Variants in SPATA7 observed in about 807,000 individuals in gnomAD.
SPATA7 encodes the protein spermatogenesis-associated protein 7.
A neutral mutation model predicts 51.8 loss-of-function variants in SPATA7; 43 were observed. That is an observed-to-expected ratio of 0.83 (90% CI 0.65 to 1.07). SPATA7 has a LOEUF of 1.07. SPATA7 is among the 50% of genes least tolerant of loss of function. The probability of loss-of-function intolerance (pLI) is 0.00; values close to 1 mark genes in which losing one functional copy is unlikely to be tolerated. For missense variants in SPATA7, 683 were observed against 701.3 expected (o/e 0.97, Z 0.30); for synonymous variants, 230 against 252.8 (o/e 0.91, Z 0.86).
intron 3 of SPATA7, among the ~76,000 whole-genome samples, chr14:88,443,891 C>T (rs1224382411): frequency 6.6e-6 from 1 of 152,126 alleles, no homozygotes; most frequent in African/African-American, 2.4e-5. Context: ...CATTGATGGA[C>T]ATTTGGGTTG....
chr14:88,416,120 A>G (rs1271462627), intron 4 of SPATA7: 1 of 152,584 alleles, frequency 6.6e-6, no homozygotes. Context: ...CTGCAGAATC[A>G]TGAGCCAATT....
intron 1 of SPATA7, among the ~76,000 whole-genome samples, chr14:88,391,007 C>T (rs532748057): frequency 6.6e-6 from 1 of 152,198 alleles, no homozygotes; most frequent in South Asian, 2.1e-4. Flanking sequence ...GCTTTGTTCT[C>T]TGGTCTTAGA....
At chr14:88,426,150 AT>A (rs1323364344) in intron 5 of SPATA7, 81 bp from the exon 6 acceptor site, 12 of 1,006,786 alleles carry the variant, frequency 1.2e-5, no homozygotes, top group Admixed American at 9.9e-5. Context: ...TGAGGCTATC[AT>A]TTTTTTAATG....
At chr14:88,443,250 G>T (rs1377268959), downstream of SPATA7, among the ~76,000 whole-genome samples, 2 of 152,012 alleles carry the variant, frequency 1.3e-5, no homozygotes, top group African/African-American at 4.8e-5. Context: ...GCCTATTTTT[G>T]TTGGTAATTT....
At chr14:88,401,365 A>G (rs759266057) in intron 4 of SPATA7, among the ~76,000 whole-genome samples, 1 of 152,250 alleles carries the variant, frequency 6.6e-6, no homozygotes, top group South Asian at 2.1e-4. Context: ...CATGAAAGCT[A>G]TATATGAAAA....
At chr14:88,426,096 A>G in intron 5 of SPATA7, 136 bp from the exon 6 acceptor site, 1 of 678,902 alleles carries the variant, frequency 1.5e-6, no homozygotes, top group Non-Finnish European at 2.6e-6. Context: ...TTCAGATAAA[A>G]TATTAACATC....
At chr14:88,464,088 C>T (rs2077336713) in intron 4 of SPATA7, among the ~76,000 whole-genome samples, 1 of 152,076 alleles carries the variant, frequency 6.6e-6, no homozygotes, top group Admixed American at 6.5e-5. Context: ...ATCCACCCGC[C>T]TCGGCCTCCC....
chr14:88,468,079 CTTT>C, intron 4 of SPATA7: 1 of 1,564,874 alleles, frequency 6.4e-7, no homozygotes. Context: ...TAGGCAAGCG[CTTT>C]TTTTTTAAGC....
intron 10 of SPATA7, 135 bp from the exon 11 acceptor site, chr14:88,437,408 T>G: frequency 1.5e-6 from 1 of 652,952 alleles, no homozygotes; most frequent in Non-Finnish European, 2.7e-6. Flanking sequence ...AAAGGATTAG[T>G]CTTCAGCTTT....
At chr14:88,460,219 G>A (rs1283208872), downstream of SPATA7, among the ~76,000 whole-genome samples, 2 of 152,120 alleles carry the variant, frequency 1.3e-5, no homozygotes, top group East Asian at 3.9e-4. Context: ...TTATCTTTAT[G>A]GCATTCTCTG....
chr14:88,464,563 T>G (rs1334612782), intron 4 of SPATA7, among the ~76,000 whole-genome samples: 3 of 151,986 alleles, frequency 2.0e-5, no homozygotes, highest in Non-Finnish European at 2.9e-5. Flanking sequence ...AAACCCCATC[T>G]CTACTAAAAA....
rs763142157 is a variant in SPATA7 at position 88,469,090 on chromosome 14, A to G, written c.255-757A>G. 19 of 1,601,926 alleles carry G rather than the reference A, an allele frequency of 1.2e-5. No homozygotes were observed. The South Asian group carries it at 1.8e-4, about 15-fold the overall frequency. On this transcript the variant is annotated intron_variant, in intron 4 of 4. Coordinates refer to the SPATA7 transcript ENST00000556406. This position sits in a 1 kb window ranked among gnomAD's most constrained non-coding sequence, Gnocchi z 4.3. ...CTTCAAGATATGCTGTGGAAAATCA[A>G]TGAAATAGAAAAGTACTCAAGGATC... is the stretch of plus-strand genomic sequence containing the variant.
At position 88,396,184 on chromosome 14, in the gene SPATA7, C is replaced by T. The variant is rs756199454; in HGVS notation, c.219C>T (p.Ser73=). ...KAAVDCSVPV[S]VSTSIKYADQ... The stretch of plus-strand genomic sequence containing the variant: ...CAGTAGACTGCTCGGTTCCAGTAAG[C>T]GTGAGTACCAGCATAAAGTGTAAGT... The change falls in exon 4 of 12, where the codon AGC becomes AGT. Residue 73 remains serine, a synonymous_variant. Coordinates refer to ENST00000393545, the MANE Select transcript of SPATA7 (RefSeq NM_018418.5). 8 of 1,610,190 alleles carry T rather than the reference C, an allele frequency of 5.0e-6. No homozygotes were observed. Among genetic ancestry groups the T allele is most frequent in the Admixed American group, 3.3e-5 (2 of 59,970 alleles).
intron 5 of SPATA7, among the ~76,000 whole-genome samples, chr14:88,424,692 G>A (rs912385210): frequency 5.3e-5 from 8 of 152,144 alleles, no homozygotes; most frequent in Non-Finnish European, 1.0e-4. Flanking sequence ...AAGCTGTAGT[G>A]TGAGTATCAT....
At chr14:88,404,488 G>A (rs893840673) in intron 4 of SPATA7, among the ~76,000 whole-genome samples, 1 of 152,122 alleles carries the variant, frequency 6.6e-6, no homozygotes, top group African/African-American at 2.4e-5. Flanking sequence ...AGGCCAAGAC[G>A]GGAGGATCAC....
rs145046180 is a variant in SPATA7 at position 88,438,341 on chromosome 14, A to T, written c.1719A>T (p.Lys573Asn). ...PSQSVQFSSV[K>N]GDNNHDMELS... ...AATCTGTTCAGTTCTCCAGTGTCAA[A>T]GGCGACAATAATCATGACATGGAGT... The change falls in exon 12 of 12, where the codon AAA becomes AAT. Residue 573 changes from lysine (K) to asparagine (N), a missense_variant. By Grantham distance (94) the Lys-to-Asn change is moderately conservative. Coordinates refer to ENST00000393545, the MANE Select transcript of SPATA7 (RefSeq NM_018418.5). 2 of 1,613,944 alleles carry T rather than the reference A, an allele frequency of 1.2e-6. No homozygotes were observed. The highest frequency in any genetic ancestry group is 1.7e-6 in the Non-Finnish European group (2 of 1,179,968).
chr14:88,399,834 T>C (rs1465431898), intron 4 of SPATA7, among the ~76,000 whole-genome samples: 1 of 152,210 alleles, frequency 6.6e-6, no homozygotes, highest in Non-Finnish European at 1.5e-5. Context: ...AAATATATCA[T>C]GCAATTGTGG....
chr14:88,403,593 C>T (rs1353795470), intron 4 of SPATA7, among the ~76,000 whole-genome samples: 1 of 152,134 alleles, frequency 6.6e-6, no homozygotes, highest in Non-Finnish European at 1.5e-5. Context: ...TGTGACAACA[C>T]AGATGAACCT....
At chr14:88,429,616 G>GA (rs2076887783) in intron 8 of SPATA7, among the ~76,000 whole-genome samples, 153 bp downstream of exon 8, 2 of 152,042 alleles carry the variant, frequency 1.3e-5, no homozygotes. Context: ...TTTTACCAAG[G>GA]AAATTTTACA....
Sources: gnomAD v4.1 joint callset for allele counts (sites outside exome capture counted in the v4.1 genomes callset) on GRCh38, gnomAD v4.1.1 for gene constraint, Gnocchi (gnomAD v3.1) non-coding constraint, MANE v1.5 for transcripts, NCBI Gene and HGNC (gene_info 2026-07-23, HGNC 2026-07-21) for gene names.